Variants in ABCA3 observed in about 807,000 individuals in gnomAD.
ABCA3 encodes the protein phospholipid-transporting ATPase ABCA3.
Under a neutral mutation model 172.8 loss-of-function variants are expected in ABCA3, and 88 were observed. That is an observed-to-expected ratio of 0.51 (90% CI 0.43 to 0.61). The LOEUF is 0.61. Ranked by LOEUF, ABCA3 falls within the 20% of genes least tolerant of loss-of-function variation. ABCA3 has a pLI of 0.00. For synonymous variants in ABCA3, 1,066 were observed against 983.8 expected (o/e 1.08, Z -1.56); for missense variants, 2,164 against 2,301.0 (o/e 0.94, Z 1.22).
At chr16:2,317,808 C>T (rs766263072) in intron 8 of ABCA3, 44 bp from the exon 9 acceptor site, 44 of 1,575,048 alleles carry the variant, frequency 2.8e-5, no homozygotes, top group South Asian at 4.4e-5. Flanking sequence ...CGTCACTGCC[C>T]GCCATGATGG....
chr16:2,282,150 G>A (rs1183868782), intron 26 of ABCA3, among the ~76,000 whole-genome samples: 2 of 152,110 alleles, frequency 1.3e-5, no homozygotes, highest in African/African-American at 4.8e-5. Flanking sequence ...ACCCAGGCTG[G>A]GATGCAATGG....
chr16:2,311,417 C>T lies in ABCA3; in HGVS notation c.1112-2794G>A, dbSNP rs569715846. ...TCTTTGATACTATACCATGCAAGCG[C>T]CACTGAACAAGCAGTAATTTCGGAA... is the stretch of plus-strand genomic sequence containing the variant. On this transcript the variant is annotated intron_variant, in intron 10 of 32. Coordinates refer to ENST00000301732, the MANE Select transcript of ABCA3 (RefSeq NM_001089.3). Among the ~76,000 whole-genome samples, 18 of 152,300 alleles carry T rather than the reference C, an allele frequency of 1.2e-4. No individual in the cohort carries two copies. The East Asian group carries it at 3.5e-3, about 29-fold the overall frequency.
intron 10 of ABCA3, among the ~76,000 whole-genome samples, chr16:2,315,203 TACAC>T (rs377647001): frequency 0.044 from 6,132 of 138,398 alleles, 226 homozygotes; most frequent in African/African-American, 0.098. Context: ...GTATGTATTT[TACAC>T]ACACACACAC....
At chr16:2,282,496 T>C (rs2093656694) in intron 26 of ABCA3, among the ~76,000 whole-genome samples, 1 of 152,252 alleles carries the variant, frequency 6.6e-6, no homozygotes, top group Non-Finnish European at 1.5e-5. Context: ...TGCAATGCAA[T>C]GTCAACACAT....
intron 7 of ABCA3, among the ~76,000 whole-genome samples, chr16:2,323,119 C>A (rs923307379): frequency 1.3e-5 from 2 of 152,184 alleles, no homozygotes; most frequent in African/African-American, 4.8e-5. Context: ...CATCTCATAC[C>A]AGTTAGAATG....
chr16:2,289,346 G>T (rs774345936), intron 20 of ABCA3, 88 bp downstream of exon 20: 12 of 1,490,872 alleles, frequency 8.0e-6, no homozygotes, highest in Middle Eastern at 2.3e-4. Context: ...TTGCGCCCTC[G>T]CAGACTCTCC....
rs1237117925 is a variant in ABCA3, at chr16:2,287,743, A to G, written c.3004+283T>C. 2.6e-5 allele frequency among the ~76,000 whole-genome samples: 4 copies of G among 152,216 alleles called. No homozygotes were observed. The highest frequency in any genetic ancestry group is 1.9e-4 in the East Asian group (1 of 5,194). On this transcript the variant is annotated intron_variant, in intron 21 of 32. Transcript: ENST00000301732. This position sits in a 1 kb window ranked among gnomAD's most constrained non-coding sequence, Gnocchi z 4.1. ...GCTTCAGTAAAAAGACGCCTGACAAAGCCTGGCCCCAGGATGCCAGTGTCT... is the reference window on the plus strand; with the variant it reads ...GCTTCAGTAAAAAGACGCCTGACAAGGCCTGGCCCCAGGATGCCAGTGTCT...
chr16:2,340,003 G>A (rs968813272), intron 1 of ABCA3, among the ~76,000 whole-genome samples: 4 of 152,244 alleles, frequency 2.6e-5, no homozygotes, highest in Non-Finnish European at 4.4e-5. Flanking sequence ...CACAGTGGAG[G>A]GCGCAGCAAA....
chr16:2,284,681 G>T lies in ABCA3; in HGVS notation c.3703+98C>A. 1 of 1,370,594 alleles carries T rather than the reference G, an allele frequency of 7.3e-7. No homozygotes were observed. Among genetic ancestry groups the T allele is most frequent in the Non-Finnish European group, 1.0e-6 (1 of 991,298 alleles). 84.9% of individuals were successfully genotyped at this position (1,370,594 alleles called of 1,614,324 possible). A position where few individuals can be genotyped will look rare whatever the true frequency, so the allele number is the denominator to read the frequency against. ...CTGGTGAGCATGAACTGGGCCCATT[G>T]CCTGAGTCCCGCCTCGGCTGTGGCT... On this transcript the variant is annotated intron_variant, in intron 24 of 32. Transcript: ENST00000301732. The surrounding 1 kb of genome is among the most constrained non-coding windows in gnomAD (Gnocchi z 5.9).
intron 1 of ABCA3, chr16:2,332,607 G>T: frequency 1.3e-6 from 2 of 1,554,120 alleles, no homozygotes; most frequent in Non-Finnish European, 1.8e-6. Flanking sequence ...CCAGCAGCTT[G>T]TACTGTAGCG....
Position 2,288,284 on chromosome 16 carries a change from CCTT to C in ABCA3, c.2743_2745del (p.Lys915del), listed in dbSNP as rs1271189317. The C allele has an allele frequency of 1.9e-6, 3 of 1,579,844 alleles. No individual in the cohort carries two copies. Among genetic ancestry groups the C allele is most frequent in the Non-Finnish European group, 2.6e-6 (3 of 1,164,540 alleles). On this transcript the variant is annotated inframe_deletion, in exon 21 of 33. Coordinates refer to ENST00000301732, the MANE Select transcript of ABCA3 (RefSeq NM_001089.3). The stretch of plus-strand genomic sequence containing the variant: ...TTCCACTCGCGCCAGCTGTATGCGG[CCTT>C]CTTCAGGAACATGGCCCAGAATTGC...
chr16:2,281,624 C>T lies in ABCA3; in HGVS notation c.4036-115G>A. 1.5e-6 allele frequency: 2 copies of T among 1,320,852 alleles called. No individual in the cohort carries two copies. Among genetic ancestry groups the T allele is most frequent in the East Asian group, 2.4e-5 (1 of 41,752 alleles). The allele number at this position is 1,320,852 out of a possible 1,614,324, so 81.8% of individuals were successfully genotyped here. On this transcript the variant is annotated intron_variant, in intron 26 of 32. Transcript: ENST00000301732. The surrounding 1 kb of genome is among the most constrained non-coding windows in gnomAD (Gnocchi z 4.7). ...TCTGGTGGGACTAAGGCCTTCAAGGCTTCTCGTCCCAATCTCAGGCCCCAC... is the reference window on the plus strand; with the variant it reads ...TCTGGTGGGACTAAGGCCTTCAAGGTTTCTCGTCCCAATCTCAGGCCCCAC...
intron 11 of ABCA3, among the ~76,000 whole-genome samples, chr16:2,306,751 C>T (rs1346071174): frequency 6.6e-6 from 1 of 152,164 alleles, no homozygotes; most frequent in Non-Finnish European, 1.5e-5. Context: ...GTGGGCGGCT[C>T]ACGCCTGTAA....
Position 2,297,267 on chromosome 16 carries a change from G to A in ABCA3, c.2263+62C>T. ...CTGAGGGCCCTTCATGAAGGTAGCA[G>A]CCATTCCCTCAGCACGGCAGCCAGG... On this transcript the variant is annotated intron_variant, in intron 17 of 32. Coordinates refer to ENST00000301732, the MANE Select transcript of ABCA3 (RefSeq NM_001089.3). The surrounding 1 kb of genome is among the most constrained non-coding windows in gnomAD (Gnocchi z 5.6). 6.4e-7 allele frequency: 1 copy of A among 1,569,512 alleles called. No homozygotes were observed. Among genetic ancestry groups the A allele is most frequent in the Non-Finnish European group, 8.7e-7 (1 of 1,152,422 alleles).
chr16:2,280,096 T>G (rs2093652743), intron 28 of ABCA3, among the ~76,000 whole-genome samples: 1 of 152,210 alleles, frequency 6.6e-6, no homozygotes, highest in Non-Finnish European at 1.5e-5. Context: ...CACTACCTTT[T>G]TGGCTACTAC....
Position 2,288,294 on chromosome 16 carries a change from G to T in ABCA3, c.2736C>A (p.Phe912Leu). 1 of 1,574,934 alleles carries T rather than the reference G, an allele frequency of 6.3e-7. No individual in the cohort carries two copies. Among genetic ancestry groups the T allele is most frequent in the South Asian group, 1.2e-5 (1 of 86,886 alleles). The change falls in exon 21 of 33, where the codon TTC (phenylalanine) becomes TTA (leucine). Residue 912 changes from phenylalanine (F) to leucine (L), a missense_variant. By Grantham distance (22) the Phe-to-Leu change is conservative (BLOSUM62 0). Coordinates refer to ENST00000301732, the MANE Select transcript of ABCA3 (RefSeq NM_001089.3). Reference protein sequence around the residue: ...ALHCQQFWAMFLKKAAYSWRE... With the variant: ...ALHCQQFWAMLLKKAAYSWRE... ...GCCAGCTGTATGCGGCCTTCTTCAG[G>T]AACATGGCCCAGAATTGCTGGCAGT...
intron 18 of ABCA3, among the ~76,000 whole-genome samples, 179 bp from the exon 19 acceptor site, chr16:2,292,417 T>C (rs966509707): frequency 1.3e-5 from 2 of 151,684 alleles, no homozygotes; most frequent in South Asian, 2.1e-4. Flanking sequence ...CTAGTCAACA[T>C]GGTGAAACCT....
At chr16:2,280,814 C>T (rs1460396175) in intron 28 of ABCA3, among the ~76,000 whole-genome samples, 1 of 152,184 alleles carries the variant, frequency 6.6e-6, no homozygotes, top group Non-Finnish European at 1.5e-5. Flanking sequence ...GATGTTGGCA[C>T]CCATCTCTCT....
Position 2,281,208 on chromosome 16 carries a change from C to T in ABCA3, c.4178G>A (p.Arg1393Gln), listed in dbSNP as rs148317800. Residue 1393 changes from arginine to glutamine, a missense_variant, in exon 28 of 33, where the codon CGG becomes CAG. This residue lies in a region of ABCA3 where 795 missense variants were observed against 881.9 expected (regional missense o/e 0.90). Coordinates refer to ENST00000301732, the MANE Select transcript of ABCA3 (RefSeq NM_001089.3). The surrounding 1 kb of genome is among the most constrained non-coding windows in gnomAD (Gnocchi z 4.7). ...IKELSKVYEQ[R>Q]VPLLAVDRLS... Reference sequence around the variant, plus strand: ...CCTGTCCACGGCCAGGAGGGGCACCCGCTGCTCGTACACCTGCAGGCACCC... The same window carrying T: ...CCTGTCCACGGCCAGGAGGGGCACCTGCTGCTCGTACACCTGCAGGCACCC... 76 of 1,613,538 alleles carry T rather than the reference C, an allele frequency of 4.7e-5. No homozygotes were observed. Among genetic ancestry groups the T allele is most frequent in the South Asian group, 3.3e-5 (3 of 91,090 alleles).
Sources: gnomAD v4.1 joint callset for allele counts (sites outside exome capture counted in the v4.1 genomes callset) on GRCh38, gnomAD v4.1.1 for gene constraint, gnomAD v4.1.1 regional missense constraint, Gnocchi (gnomAD v3.1) non-coding constraint, MANE v1.5 for transcripts, NCBI Gene and HGNC (gene_info 2026-07-23, HGNC 2026-07-21) for gene names.